Variants in ANKMY1 observed in about 807,000 individuals in gnomAD.
ANKMY1 encodes ankyrin repeat and MYND domain containing 1, also known as ankyrin repeat and MYND domain-containing protein 1.
In ANKMY1, 98 loss-of-function variants were observed where a neutral mutation model predicts 102.0. That is an observed-to-expected ratio of 0.96 (90% CI 0.82 to 1.14). The LOEUF is 1.14. ANKMY1 is among the 50% of genes most tolerant of loss of function. The pLI is 0.00. For missense variants in ANKMY1, 1,330 were observed against 1,347.6 expected (o/e 0.99, Z 0.20); for synonymous variants, 582 against 559.9 (o/e 1.04, Z -0.56).
intron 15 of ANKMY1, among the ~76,000 whole-genome samples, chr2:240,489,187 C>T (rs1383941194): frequency 6.6e-6 from 1 of 152,150 alleles, no homozygotes; most frequent in African/African-American, 2.4e-5. Context: ...GGCATGGTGG[C>T]TCACACCTGT....
intron 6 of ANKMY1, 109 bp from the exon 7 acceptor site, chr2:240,525,958 A>G: frequency 7.3e-7 from 1 of 1,362,550 alleles, no homozygotes; most frequent in Non-Finnish European, 1.0e-6. Context: ...GCAGGGCAGG[A>G]ACCAGTGCTC....
the ANKMY1 span, among the ~76,000 whole-genome samples, chr2:240,468,868 C>T: frequency 1.3e-5 from 2 of 152,278 alleles, no homozygotes; most frequent in African/African-American, 4.8e-5. Context: ...GTCCCAGCTC[C>T]GGGCAGGACG....
intron 9 of ANKMY1, among the ~76,000 whole-genome samples, chr2:240,514,258 C>T (rs953222469): frequency 6.6e-6 from 1 of 152,146 alleles, no homozygotes; most frequent in African/African-American, 2.4e-5. Flanking sequence ...AGAGAGAGAG[C>T]TGGGGTTCTA....
chr2:240,556,428 G>A (rs1215892226), intron 2 of ANKMY1, among the ~76,000 whole-genome samples: 2 of 152,122 alleles, frequency 1.3e-5, no homozygotes, highest in South Asian at 2.1e-4. Context: ...AGCTAAGCCC[G>A]CTCCCACCAG....
chr2:240,470,530 T>C, the ANKMY1 span, among the ~76,000 whole-genome samples: 5 of 152,208 alleles, frequency 3.3e-5, no homozygotes, highest in African/African-American at 1.2e-4. Context: ...CCCTCCTTCT[T>C]TCATATGGCC....
chr2:240,549,869 G>A (rs1054875693), intron 4 of ANKMY1, among the ~76,000 whole-genome samples: 3 of 151,952 alleles, frequency 2.0e-5, no homozygotes, highest in Non-Finnish European at 4.4e-5. Flanking sequence ...GGAAACAACA[G>A]GTGCTGGAGA....
rs2152313534 is a variant in ANKMY1 at position 240,520,040 on chromosome 2, T to G, written c.2004+322A>C. 1.6e-5 allele frequency: 9 copies of G among 551,648 alleles called. No homozygotes were observed. The highest frequency in any genetic ancestry group is 2.8e-4 in the Middle Eastern group (1 of 3,522). The allele number at this position is 551,648 out of a possible 1,614,324, so 34.2% of individuals were successfully genotyped here. A position where few individuals can be genotyped will look rare whatever the true frequency, so the allele number is the denominator to read the frequency against. On this transcript the variant is annotated intron_variant, in intron 9 of 17. Coordinates refer to ENST00000401804, the MANE Select transcript of ANKMY1 (RefSeq NM_001282771.3). This position sits in a 1 kb window ranked among gnomAD's most constrained non-coding sequence, Gnocchi z 4.8. The stretch of plus-strand genomic sequence containing the variant: ...AGCGTGGGTTGAAAGGAGGCCCGCC[T>G]CCTCCTGAATATAAGTCTCCCCTTT...
downstream of ANKMY1, chr2:240,479,344 C>T (rs953982188): frequency 3.8e-5 from 21 of 545,664 alleles, no homozygotes; most frequent in Non-Finnish European, 6.2e-5. Flanking sequence ...CAAGCAAGAT[C>T]AAAGCCAGGG....
intron 5 of ANKMY1, among the ~76,000 whole-genome samples, 163 bp downstream of exon 5, chr2:240,528,874 C>T: frequency 6.6e-6 from 1 of 152,176 alleles, no homozygotes; most frequent in Non-Finnish European, 1.5e-5. Flanking sequence ...GGGGCTTTCC[C>T]TCCCTTCATT....
At chr2:240,523,756 A>C in intron 8 of ANKMY1, 129 bp downstream of exon 8, 1 of 1,393,544 alleles carries the variant, frequency 7.2e-7, no homozygotes, top group Non-Finnish European at 9.6e-7. Flanking sequence ...AGGGATGCTC[A>C]CACATTCAGA....
chr2:240,552,618 T>C (rs1273452196), intron 4 of ANKMY1: 1 of 385,224 alleles, frequency 2.6e-6, no homozygotes, highest in Non-Finnish European at 4.9e-6. Flanking sequence ...AAAAGGCACA[T>C]TTCAAACATT....
At chr2:240,475,677 AAC>A (rs920772781), downstream of ANKMY1, among the ~76,000 whole-genome samples, 7 of 151,826 alleles carry the variant, frequency 4.6e-5, no homozygotes, top group African/African-American at 2.4e-5. Context: ...AGTGCATAAA[AAC>A]ACAACTAATT....
rs1335509808 is a variant in ANKMY1, at chr2:240,553,074, T to C, written c.337-17A>G. Reference sequence around the variant, plus strand: ...ATGGTATGACTGTGAGATGGAGAAGTTGGTGAGAAATTGCTGCTCTTCCAG... The same window carrying C: ...ATGGTATGACTGTGAGATGGAGAAGCTGGTGAGAAATTGCTGCTCTTCCAG... On this transcript the variant is annotated splice_polypyrimidine_tract_variant and intron_variant, in intron 3 of 17. Coordinates refer to ENST00000401804, the MANE Select transcript of ANKMY1 (RefSeq NM_001282771.3). 7 of 1,610,348 alleles carry C rather than the reference T, an allele frequency of 4.3e-6. No homozygotes were observed. Among genetic ancestry groups the C allele is most frequent in the South Asian group, 2.2e-5 (2 of 90,940 alleles).
At chr2:240,492,149 C>T (rs1015297110) in intron 15 of ANKMY1, among the ~76,000 whole-genome samples, 23 of 152,128 alleles carry the variant, frequency 1.5e-4, no homozygotes, top group Non-Finnish European at 2.8e-4. Flanking sequence ...CATGCCATGA[C>T]ACCCAGCTAA....
At position 240,500,060 on chromosome 2, in the gene ANKMY1, C is replaced by A; in HGVS notation, c.2704G>T (p.Ala902Ser). The A allele has an allele frequency of 6.2e-7, 1 of 1,612,592 alleles. No individual in the cohort carries two copies. Among genetic ancestry groups the A allele is most frequent in the Non-Finnish European group, 8.5e-7 (1 of 1,179,592 alleles). ...LMPAERETFL[A>S]RKRLLEYMGL... ...ATGTACTCCAGGAGCCGCTTCCGCG[C>A]CAGGAACGTCTCGCGCTCTGCTGGC... is the stretch of plus-strand genomic sequence containing the variant. Residue 902 changes from alanine to serine, a missense_variant, in exon 15 of 18, where the codon GCG (alanine) becomes TCG (serine). Transcript: ENST00000401804.
intron 13 of ANKMY1, among the ~76,000 whole-genome samples, chr2:240,500,957 A>T (rs2078075654): frequency 6.6e-6 from 1 of 152,216 alleles, no homozygotes; most frequent in Non-Finnish European, 1.5e-5. Flanking sequence ...CCAACACGCC[A>T]GGGGGCATGT....
chr2:240,516,856 G>C (rs761960605), intron 9 of ANKMY1, among the ~76,000 whole-genome samples: 1 of 152,216 alleles, frequency 6.6e-6, no homozygotes, highest in Non-Finnish European at 1.5e-5. Flanking sequence ...GGAGGTGACT[G>C]CATGGACTGA....
intron 4 of ANKMY1, among the ~76,000 whole-genome samples, chr2:240,541,271 G>A (rs1322769079): frequency 6.6e-6 from 1 of 152,164 alleles, no homozygotes; most frequent in Non-Finnish European, 1.5e-5. Flanking sequence ...CCCAATCCAT[G>A]AAGAGAGGAA....
At chr2:240,477,759 G>A (rs2074952280), downstream of ANKMY1, among the ~76,000 whole-genome samples, 1 of 152,084 alleles carries the variant, frequency 6.6e-6, no homozygotes, top group Non-Finnish European at 1.5e-5. Context: ...AAAAAATAAA[G>A]CTATATTCAT....
Sources: allele counts gnomAD v4.1 joint callset (sites outside exome capture counted in the v4.1 genomes callset), GRCh38; gene constraint gnomAD v4.1.1; non-coding constraint Gnocchi (gnomAD v3.1); transcripts MANE v1.5; gene names NCBI Gene and HGNC (gene_info 2026-07-23, HGNC 2026-07-21).